Variants in LHFPL6 observed in about 807,000 individuals in gnomAD.
The protein encoded by LHFPL6 is LHFPL tetraspan subfamily member 6.
In LHFPL6, 9 loss-of-function variants were observed where a neutral mutation model predicts 20.6. That is an observed-to-expected ratio of 0.44 (90% CI 0.26 to 0.76). The LOEUF (loss-of-function observed/expected upper bound fraction) is 0.76, where lower values mean the gene tolerates loss of function less well. Ranked by LOEUF, LHFPL6 falls within the 30% of genes least tolerant of loss-of-function variation. The pLI is 0.20. For synonymous variants in LHFPL6, 105 were observed against 98.7 expected (o/e 1.06, Z -0.38); for missense variants, 218 against 253.5 (o/e 0.86, Z 0.95).
intron 2 of LHFPL6, among the ~76,000 whole-genome samples, chr13:39,575,406 T>A (rs954149139): frequency 6.6e-6 from 1 of 152,230 alleles, no homozygotes; most frequent in Non-Finnish European, 1.5e-5. Context: ...TCTTTATCTA[T>A]ATTAAAATTA....
At chr13:39,482,198 C>T (rs1414126908) in intron 2 of LHFPL6, among the ~76,000 whole-genome samples, 1 of 152,116 alleles carries the variant, frequency 6.6e-6, no homozygotes, top group East Asian at 1.9e-4. Context: ...AATCCCAGCA[C>T]TTTGGGAGGC....
chr13:39,389,456 T>G (rs117038031), intron 2 of LHFPL6, among the ~76,000 whole-genome samples: 1 of 152,266 alleles, frequency 6.6e-6, no homozygotes, highest in Non-Finnish European at 1.5e-5. Context: ...GGTCCTGAAA[T>G]AGGAGCCTGC....
chr13:39,545,392 T>C (rs1870950378), intron 2 of LHFPL6, among the ~76,000 whole-genome samples: 1 of 151,946 alleles, frequency 6.6e-6, no homozygotes, highest in Non-Finnish European at 1.5e-5. Context: ...CTAAAATGCA[T>C]CACTTTTACA....
intron 2 of LHFPL6, among the ~76,000 whole-genome samples, chr13:39,497,460 G>A (rs531166196): frequency 1.3e-5 from 2 of 152,300 alleles, no homozygotes; most frequent in East Asian, 3.9e-4. Flanking sequence ...GTCATCTCTG[G>A]TGCTACCCTC....
intron 2 of LHFPL6, among the ~76,000 whole-genome samples, chr13:39,432,446 A>T (rs1040007329): frequency 6.6e-5 from 10 of 152,046 alleles, no homozygotes; most frequent in African/African-American, 2.4e-4. Flanking sequence ...ATGCCTCTGC[A>T]TGGGCTCATC....
At chr13:39,550,148 A>G (rs1871105158) in intron 2 of LHFPL6, among the ~76,000 whole-genome samples, 1 of 152,168 alleles carries the variant, frequency 6.6e-6, no homozygotes, top group African/African-American at 2.4e-5. Flanking sequence ...TTATCTCAAG[A>G]AAGCTCTTTT....
chr13:39,568,837 G>T (rs1315395493), intron 2 of LHFPL6, among the ~76,000 whole-genome samples: 1 of 152,092 alleles, frequency 6.6e-6, no homozygotes, highest in Non-Finnish European at 1.5e-5. Flanking sequence ...ACCAGAATTT[G>T]AGTTGATCAT....
intron 2 of LHFPL6, among the ~76,000 whole-genome samples, chr13:39,472,613 A>AT (rs1463578091): frequency 6.6e-6 from 1 of 151,650 alleles, no homozygotes; most frequent in Admixed American, 6.6e-5. Context: ...ATTTTAATTA[A>AT]TTTTTTTGTG....
At chr13:39,353,286 C>T (rs989462437) in intron 3 of LHFPL6, among the ~76,000 whole-genome samples, 2 of 151,678 alleles carry the variant, frequency 1.3e-5, no homozygotes, top group Non-Finnish European at 2.9e-5. Flanking sequence ...ACGCCTGATC[C>T]TAAATAAAAC....
intron 2 of LHFPL6, among the ~76,000 whole-genome samples, chr13:39,452,257 A>C (rs1872469411): frequency 6.6e-6 from 1 of 152,146 alleles, no homozygotes; most frequent in South Asian, 2.1e-4. Context: ...GAAAATCAAC[A>C]CAGCACATTG....
rs145793150 is a variant in LHFPL6, at chr13:39,539,743, G to T, written c.385+61089C>A. Reference sequence around the variant, plus strand: ...CATAAATGAGCAATCCTTTAAGAATGATTTCCACAAACCCAGACTGCTCTT... The same window carrying T: ...CATAAATGAGCAATCCTTTAAGAATTATTTCCACAAACCCAGACTGCTCTT... On this transcript the variant is annotated intron_variant, in intron 2 of 3. Transcript: ENST00000379589. Among the ~76,000 whole-genome samples, 17 of 152,328 alleles carry T rather than the reference G, an allele frequency of 1.1e-4. No individual in the cohort carries two copies. The East Asian group carries it at 2.9e-3, about 26-fold the overall frequency.
intron 2 of LHFPL6, among the ~76,000 whole-genome samples, chr13:39,514,750 T>TA (rs1457204668): frequency 1.3e-5 from 2 of 152,222 alleles, no homozygotes; most frequent in Non-Finnish European, 2.9e-5. Flanking sequence ...TGAATGCATT[T>TA]CTGCACTTAC....
chr13:39,349,196 TA>T (rs1384565514), intron 3 of LHFPL6, among the ~76,000 whole-genome samples: 1 of 152,200 alleles, frequency 6.6e-6, no homozygotes, highest in Non-Finnish European at 1.5e-5. Context: ...AAGTAATTTT[TA>T]AAATAATTAT....
Position 39,343,432 on chromosome 13 carries a change from T to C in LHFPL6, c.*504A>G, listed in dbSNP as rs990447924. The C allele has an allele frequency of 4.3e-6, 1 of 232,790 alleles. No individual in the cohort carries two copies. Among genetic ancestry groups the C allele is most frequent in the Non-Finnish European group, 8.5e-6 (1 of 117,544 alleles). The allele number at this position is 232,790 out of a possible 1,614,324, so 14.4% of individuals were successfully genotyped here. ...GCATAGGCGTGTGTGGGGATGCATATGTCTGTATGTGCTTGTGTGCTTTTG... is the reference window on the plus strand; with the variant it reads ...GCATAGGCGTGTGTGGGGATGCATACGTCTGTATGTGCTTGTGTGCTTTTG... On this transcript the variant is annotated 3_prime_UTR_variant, in exon 4 of 4. Coordinates refer to ENST00000379589, the MANE Select transcript of LHFPL6 (RefSeq NM_005780.3).
Position 39,601,231 on chromosome 13 carries a change from G to A in LHFPL6, c.-15C>T, listed in dbSNP as rs747840516. On this transcript the variant is annotated 5_prime_UTR_variant, in exon 2 of 4. Transcript: ENST00000379589. ...CTGGATGCCATCTTTCACCAGATAGGGCAATGAGGACCCCAAGTAAGTGTT... is the reference window on the plus strand; with the variant it reads ...CTGGATGCCATCTTTCACCAGATAGAGCAATGAGGACCCCAAGTAAGTGTT... 9 of 1,592,964 alleles carry A rather than the reference G, an allele frequency of 5.6e-6. No homozygotes were observed. In the South Asian group the frequency reaches 1.0e-4, roughly 18 times the overall value.
At chr13:39,390,830 A>C (rs9576783) in intron 2 of LHFPL6, among the ~76,000 whole-genome samples, 11,517 of 152,014 alleles carry the variant, frequency 0.076, 502 homozygotes, top group Middle Eastern at 0.11. Context: ...CCCCATCTAT[A>C]CTAAAAATAC....
intron 2 of LHFPL6, among the ~76,000 whole-genome samples, chr13:39,474,411 G>C (rs1873027723): frequency 6.6e-6 from 1 of 151,948 alleles, no homozygotes; most frequent in African/African-American, 2.4e-5. Context: ...AAATAACCTG[G>C]CATGACAAAT....
At chr13:39,532,056 A>G (rs1009573739) in intron 2 of LHFPL6, among the ~76,000 whole-genome samples, 6 of 152,210 alleles carry the variant, frequency 3.9e-5, no homozygotes, top group African/African-American at 1.4e-4. Context: ...AATGTAAAAC[A>G]GAAAGTCTGG....
At chr13:39,432,803 A>C (rs937370432) in intron 2 of LHFPL6, among the ~76,000 whole-genome samples, 1 of 152,220 alleles carries the variant, frequency 6.6e-6, no homozygotes, top group Non-Finnish European at 1.5e-5. Flanking sequence ...AGGACCTAGA[A>C]CACTGCCTAC....
Sources: gnomAD v4.1 joint callset for allele counts (sites outside exome capture counted in the v4.1 genomes callset) on GRCh38, gnomAD v4.1.1 for gene constraint, MANE v1.5 for transcripts, NCBI Gene and HGNC (gene_info 2026-07-23, HGNC 2026-07-21) for gene names.